LRRC69: variants seen among roughly 807,000 people sequenced by gnomAD.
The protein encoded by LRRC69 is leucine rich repeat containing 69.
Under a neutral mutation model 37.8 loss-of-function variants are expected in LRRC69, and 42 were observed. The observed-to-expected ratio is 1.11, with a 90% confidence interval of 0.87 to 1.44. LRRC69 has a LOEUF of 1.44. Among genes scored for constraint, LRRC69 ranks in the 40% most tolerant of loss-of-function variants. The pLI is 0.00. For missense variants in LRRC69, 357 were observed against 401.9 expected, an observed-to-expected ratio of 0.89 and a Z score of 0.96; for synonymous variants, 141 against 143.1, an observed-to-expected ratio of 0.99 and a Z score of 0.11.
chr8:91,173,875 G>T (rs1166494292), intron 5 of LRRC69, among the ~76,000 whole-genome samples: 1 of 151,652 alleles, frequency 6.6e-6, no homozygotes, highest in Non-Finnish European at 1.5e-5. Flanking sequence ...TCATACTGGG[G>T]ATTGTTTCAA....
intron 5 of LRRC69, among the ~76,000 whole-genome samples, chr8:91,162,614 C>G (rs969703276): frequency 1.3e-5 from 2 of 151,252 alleles, no homozygotes; most frequent in African/African-American, 4.8e-5. Context: ...ACATCTTTTC[C>G]CATCCCTTAA....
At chr8:91,166,417 A>G (rs1339582210) in intron 5 of LRRC69, among the ~76,000 whole-genome samples, 1 of 147,238 alleles carries the variant, frequency 6.8e-6, no homozygotes, top group African/African-American at 2.5e-5. Flanking sequence ...TACCCTACAT[A>G]TATGGGAGTC....
intron 7 of LRRC69, among the ~76,000 whole-genome samples, chr8:91,215,476 A>T (rs1036579040): frequency 2.0e-5 from 3 of 152,164 alleles, no homozygotes; most frequent in Non-Finnish European, 1.5e-5. Context: ...AAACTTAGCA[A>T]AGAGTAATAT....
chr8:91,142,733 A>G (rs1563602663), intron 5 of LRRC69, among the ~76,000 whole-genome samples: 1 of 152,028 alleles, frequency 6.6e-6, no homozygotes, highest in Non-Finnish European at 1.5e-5. Flanking sequence ...ATGATGGAAC[A>G]GTGGCAGAGG....
chr8:91,193,255 G>C, intron 6 of LRRC69, among the ~76,000 whole-genome samples: 1 of 134,192 alleles, frequency 7.5e-6, no homozygotes, highest in African/African-American at 2.9e-5. Context: ...CTGTAGCCTT[G>C]TAGTATAGTT....
chr8:91,177,821 T>C (rs572499254), intron 5 of LRRC69, among the ~76,000 whole-genome samples: 73 of 151,766 alleles, frequency 4.8e-4, no homozygotes, highest in Non-Finnish European at 9.7e-4. Flanking sequence ...CTAGGTTTTA[T>C]TCTCTAATAC....
chr8:91,204,498 A>C (rs930532298), intron 7 of LRRC69, among the ~76,000 whole-genome samples: 1 of 152,202 alleles, frequency 6.6e-6, no homozygotes, highest in Non-Finnish European at 1.5e-5. Flanking sequence ...CTTCAGGCAC[A>C]CTGTAGAGTT....
intron 6 of LRRC69, among the ~76,000 whole-genome samples, chr8:91,196,027 T>C (rs950733997): frequency 2.6e-5 from 4 of 152,250 alleles, no homozygotes; most frequent in African/African-American, 9.6e-5. Flanking sequence ...GGAGCTCTTT[T>C]AGGGCAGGCC....
At chr8:91,151,177 G>T (rs76034749) in intron 5 of LRRC69, among the ~76,000 whole-genome samples, 7,969 of 151,516 alleles carry the variant, frequency 0.053, 296 homozygotes, top group Middle Eastern at 0.16. Context: ...ATTGTGATGT[G>T]AGGGTGTCAA....
intron 1 of LRRC69, 128 bp downstream of exon 1, chr8:91,102,972 G>T (rs1563589561): frequency 1.1e-6 from 1 of 879,726 alleles, no homozygotes; most frequent in East Asian, 2.8e-5. Flanking sequence ...GAGACTTAAT[G>T]TGGAGTGTTG....
rs531244064 is a variant in LRRC69, at chr8:91,124,477, C to T, written c.184-16C>T. ...TGGATGATATATGAGTCCATTAAAC[C>T]TCTATATGTTTGCAGTTGACAACAC... On this transcript the variant is annotated splice_polypyrimidine_tract_variant and intron_variant, in intron 1 of 7. Coordinates refer to ENST00000448384, the Ensembl canonical transcript of LRRC69. The T allele has an allele frequency of 1.1e-5, 17 of 1,516,402 alleles. No homozygotes were observed. Among genetic ancestry groups the T allele is most frequent in the African/African-American group, 8.4e-5 (6 of 71,398 alleles). 93.9% of individuals were successfully genotyped at this position (1,516,402 alleles called of 1,614,324 possible). A position where few individuals can be genotyped will look rare whatever the true frequency, so the allele number is the denominator to read the frequency against.
At chr8:91,126,903 T>C (rs1295642900) in intron 2 of LRRC69, among the ~76,000 whole-genome samples, 185 bp from the exon 3 acceptor site, 2 of 152,046 alleles carry the variant, frequency 1.3e-5, no homozygotes, top group Non-Finnish European at 2.9e-5. Context: ...TGACTTAGAT[T>C]TGTAACTTTG....
intron 3 of LRRC69, among the ~76,000 whole-genome samples, chr8:91,131,250 T>G (rs565028530): frequency 6.8e-6 from 1 of 146,396 alleles, no homozygotes; most frequent in African/African-American, 2.5e-5. Flanking sequence ...TTTTTTTTTG[T>G]TTTGTTTAAG....
chr8:91,104,575 G>C (rs1563590073), intron 1 of LRRC69, among the ~76,000 whole-genome samples: 2 of 151,372 alleles, frequency 1.3e-5, no homozygotes, highest in Non-Finnish European at 2.9e-5. Flanking sequence ...ATTTTTTTCT[G>C]TCAAATGTAC....
At chr8:91,104,637 T>C (rs1813276066) in intron 1 of LRRC69, among the ~76,000 whole-genome samples, 1 of 152,036 alleles carries the variant, frequency 6.6e-6, no homozygotes, top group African/African-American at 2.4e-5. Context: ...CCCCACTCTA[T>C]GTTGACTGCT....
chr8:91,149,807 T>G (rs1456296087), intron 5 of LRRC69, among the ~76,000 whole-genome samples: 1 of 152,022 alleles, frequency 6.6e-6, no homozygotes, highest in Non-Finnish European at 1.5e-5. Flanking sequence ...TCACGTCCCT[T>G]GTAAGTTGGA....
intron 5 of LRRC69, chr8:91,157,940 T>G (rs941472730): frequency 6.8e-7 from 1 of 1,475,238 alleles, no homozygotes. Context: ...GTATACTGAT[T>G]GCACGTTCCG....
intron 7 of LRRC69, among the ~76,000 whole-genome samples, chr8:91,210,223 A>G (rs188935114): frequency 1.8e-3 from 271 of 152,294 alleles, no homozygotes; most frequent in Non-Finnish European, 1.3e-3. Flanking sequence ...AGCAAAGTTA[A>G]GTAGTTTGTT....
intron 4 of LRRC69, among the ~76,000 whole-genome samples, chr8:91,133,926 C>G (rs1193993336): frequency 6.6e-6 from 1 of 152,000 alleles, no homozygotes; most frequent in East Asian, 1.9e-4. Context: ...GCCACCGCAC[C>G]CAGCCTTGAT....
Sources: gnomAD v4.1 joint callset for allele counts (sites outside exome capture counted in the v4.1 genomes callset) on GRCh38, gnomAD v4.1.1 for gene constraint, MANE v1.5 for transcripts, NCBI Gene and HGNC (gene_info 2026-07-23, HGNC 2026-07-21) for gene names.